Variants in ASB2 observed in about 807,000 individuals in gnomAD.
The protein encoded by ASB2 is ankyrin repeat and SOCS box containing 2.
Under a neutral mutation model 62.4 loss-of-function variants are expected in ASB2, and 58 were observed. The observed-to-expected ratio is 0.93, with a 90% CI of 0.75 to 1.16. The LOEUF (loss-of-function observed/expected upper bound fraction) is 1.16, where lower values mean the gene tolerates loss of function less well. Among genes scored for constraint, ASB2 ranks in the 50% most tolerant of loss-of-function variants. ASB2 has a pLI of 0.00. For missense variants in ASB2, 928 were observed against 887.9 expected, an observed-to-expected ratio of 1.05 and a Z score of -0.57; for synonymous variants, 386 against 385.3, an observed-to-expected ratio of 1.00 and a Z score of -0.02.
At chr14:93,966,055 A>G (rs546407403) in intron 1 of ASB2, among the ~76,000 whole-genome samples, 1 of 152,346 alleles carries the variant, frequency 6.6e-6, no homozygotes, top group African/African-American at 2.4e-5. Flanking sequence ...ACTTCTCCTG[A>G]GCTGTGGTCA....
At chr14:93,954,210 C>T in intron 4 of ASB2, 107 bp downstream of exon 4, 1 of 888,940 alleles carries the variant, frequency 1.1e-6, no homozygotes, top group South Asian at 1.5e-5. Flanking sequence ...GCCTTGCCTG[C>T]CCTTCTCCCA....
intron 5 of ASB2, 101 bp from the exon 6 acceptor site, chr14:93,951,345 A>AGTGGAAAGCTGAATGAGT: frequency 7.3e-7 from 1 of 1,366,306 alleles, no homozygotes; most frequent in Non-Finnish European, 9.9e-7. Context: ...CCACTCATTC[A>AGTGGAAAGCTGAATGAGT]GCTTTCCACT....
intron 2 of ASB2, chr14:93,957,216 C>T (rs551807005): frequency 1.2e-5 from 15 of 1,257,518 alleles, no homozygotes; most frequent in African/African-American, 7.7e-5. Context: ...GGATGTGAGC[C>T]GTGGTCGGCA....
At chr14:93,955,830 G>T (rs1159509069) in intron 3 of ASB2, among the ~76,000 whole-genome samples, 1 of 152,146 alleles carries the variant, frequency 6.6e-6, no homozygotes, top group African/African-American at 2.4e-5. Context: ...GGACCCTAGA[G>T]GTCACGTTGC....
Position 93,937,746 on chromosome 14 carries a change from C to T in ASB2, c.1723G>A (p.Glu575Lys). ...CAGTCCTCAAAGCTGTCGATGTGTT[C>T]CTTCAGCCGCGAGCAGAGCTGCACG... is the stretch of plus-strand genomic sequence containing the variant. Reference protein sequence around the residue: ...GNVQLCSRLKEHIDSFEDWAV... With the variant: ...GNVQLCSRLKKHIDSFEDWAV... Residue 575 changes from glutamate (E) to lysine (K), a missense_variant, in exon 9 of 10, where the codon GAA (glutamate) becomes AAA (lysine). Coordinates refer to ENST00000555019, the MANE Select transcript of ASB2 (RefSeq NM_001202429.2). The T allele has an allele frequency of 1.2e-6, 2 of 1,613,108 alleles. No homozygotes were observed. The highest frequency in any genetic ancestry group is 2.2e-5 in the South Asian group (2 of 91,066).
chr14:93,963,873 A>T (rs781520720), intron 2 of ASB2, among the ~76,000 whole-genome samples: 2 of 152,134 alleles, frequency 1.3e-5, no homozygotes, highest in African/African-American at 2.4e-5. Context: ...TGTGACTGAG[A>T]GGATGAGGTG....
intron 7 of ASB2, among the ~76,000 whole-genome samples, chr14:93,942,590 A>G (rs951110118): frequency 6.6e-6 from 1 of 152,208 alleles, no homozygotes; most frequent in Non-Finnish European, 1.5e-5. Flanking sequence ...CAGCCTTGCC[A>G]TACCACCTGG....
rs201432422 is a variant in ASB2 at position 93,956,775 on chromosome 14, G to A, written c.302C>T (p.Ser101Phe). The change falls in exon 3 of 10, where the codon TCC becomes TTC. Residue 101 changes from serine (S) to phenylalanine (F), a missense_variant. Physicochemically the swap from Ser to Phe is radical, Grantham distance 155 (BLOSUM62 -2). Coordinates refer to ENST00000555019, the MANE Select transcript of ASB2 (RefSeq NM_001202429.2). ...GACAGGAGTCACTTACGCCAGCTGG[G>A]AGGTCTTGAACAAGCTGCTGCTGTA... is the stretch of plus-strand genomic sequence containing the variant. ...QKYSSSLFKT[S>F]QLAPADPLIK... 6.2e-7 allele frequency: 1 copy of A among 1,614,202 alleles called. No individual in the cohort carries two copies. The highest frequency in any genetic ancestry group is 8.5e-7 in the Non-Finnish European group (1 of 1,180,024).
At chr14:93,936,234 C>CT (rs1412731095) in intron 9 of ASB2, among the ~76,000 whole-genome samples, 1 of 152,208 alleles carries the variant, frequency 6.6e-6, no homozygotes, top group Non-Finnish European at 1.5e-5. Flanking sequence ...CTCGTGGGGA[C>CT]TGTCTTGCAG....
intron 2 of ASB2, among the ~76,000 whole-genome samples, chr14:93,958,395 CCCAGCTCCTGATG>C (rs1889300164): frequency 1.3e-5 from 2 of 152,200 alleles, no homozygotes; most frequent in African/African-American, 4.8e-5. Flanking sequence ...CCACTGTCCG[CCCAGCTCCTGATG>C]CCACCCTGTC....
Position 93,969,708 on chromosome 14 carries a change from A to G in ASB2, c.-73-5096T>C, listed in dbSNP as rs1889704594. Among the ~76,000 whole-genome samples, 3 of 152,064 alleles carry G rather than the reference A, an allele frequency of 2.0e-5. No homozygotes were observed. In the South Asian group the frequency reaches 6.2e-4, roughly 31 times the overall value. ...AGCCATCAGGGAGGCTTCCTGGTAG[A>G]GGGAGGGGCCAGTCCAAGGCCAGTG... On this transcript the variant is annotated intron_variant, in intron 1 of 9. Transcript: ENST00000555019.
intron 1 of ASB2, among the ~76,000 whole-genome samples, chr14:93,972,519 A>G (rs1192608511): frequency 6.6e-6 from 1 of 152,164 alleles, no homozygotes; most frequent in Admixed American, 6.5e-5. Context: ...TGGTCTTCCC[A>G]TGGCGCGGAT....
chr14:93,970,871 C>T (rs980433806), intron 1 of ASB2, among the ~76,000 whole-genome samples: 18 of 152,172 alleles, frequency 1.2e-4, no homozygotes, highest in African/African-American at 4.3e-4. Flanking sequence ...GAGGTGTTGT[C>T]AGGTGAAATT....
rs150562359 is a variant in ASB2, at chr14:93,934,737, C to T, written c.1827G>A (p.Gly609=). The change falls in exon 10 of 10, where the codon GGG becomes GGA. Residue 609 remains glycine, a synonymous_variant. Coordinates refer to ENST00000555019, the MANE Select transcript of ASB2 (RefSeq NM_001202429.2). The part of the protein sequence containing the change: ...LCRLRVRKAI[G]KYRIKLLDTL... ...TGTCTAGGAGTTTTATACGGTATTT[C>T]CCAATGGCCTTTCGAACCCGCAGTC... 2 of 1,613,666 alleles carry T rather than the reference C, an allele frequency of 1.2e-6. No individual in the cohort carries two copies. Among genetic ancestry groups the T allele is most frequent in the African/African-American group, 2.7e-5 (2 of 74,918 alleles).
chr14:93,945,833 C>G (rs1888703274), intron 7 of ASB2, among the ~76,000 whole-genome samples: 1 of 152,182 alleles, frequency 6.6e-6, no homozygotes. Context: ...CCCCATTTCC[C>G]TCTGCCTTAG....
chr14:93,938,970 CCCGAAGGGTGTTAATCA>C, intron 8 of ASB2, 121 bp downstream of exon 8: 1 of 781,644 alleles, frequency 1.3e-6, no homozygotes, highest in Non-Finnish European at 1.9e-6. Flanking sequence ...CCCCACTTCC[CCCGAAGGGTGTTAATCA>C]CTAGTCCACG....
intron 1 of ASB2, among the ~76,000 whole-genome samples, 154 bp downstream of exon 1, chr14:93,976,280 C>A (rs1319137901): frequency 6.6e-6 from 1 of 152,166 alleles, no homozygotes; most frequent in East Asian, 1.9e-4. Flanking sequence ...AAGTCACCAG[C>A]GTGCTGTATA....
At chr14:93,961,961 T>C (rs1889420408) in intron 2 of ASB2, among the ~76,000 whole-genome samples, 1 of 152,218 alleles carries the variant, frequency 6.6e-6, no homozygotes, top group African/African-American at 2.4e-5. Context: ...CTGGCCCTGC[T>C]GTGGGCATGT....
intron 6 of ASB2, 69 bp from the exon 7 acceptor site, chr14:93,947,589 C>T: frequency 6.5e-7 from 1 of 1,537,638 alleles, no homozygotes; most frequent in Non-Finnish European, 8.9e-7. Flanking sequence ...TGTAACGCCA[C>T]CGCGTGGTGG....
Sources: gnomAD v4.1 joint callset for allele counts (sites outside exome capture counted in the v4.1 genomes callset) on GRCh38, gnomAD v4.1.1 for gene constraint, MANE v1.5 for transcripts, NCBI Gene and HGNC (gene_info 2026-07-23, HGNC 2026-07-21) for gene names.